TM9SF3: variants seen among roughly 807,000 people sequenced by gnomAD.
TM9SF3 encodes transmembrane 9 superfamily member 3.
A neutral mutation model predicts 78.6 loss-of-function variants in TM9SF3; 14 were observed. The observed-to-expected ratio is 0.18, with a 90% confidence interval of 0.12 to 0.28. The LOEUF is 0.28. TM9SF3 is among the 10% of genes least tolerant of loss of function. The pLI, the probability that TM9SF3 is intolerant of heterozygous loss-of-function variation, is 1.00. For missense variants in TM9SF3, 496 were observed against 721.9 expected (o/e 0.69, Z 3.59); for synonymous variants, 231 against 241.7 (o/e 0.96, Z 0.41).
Position 96,533,184 on chromosome 10 carries a change from C to T in TM9SF3, c.1192G>A (p.Val398Ile), listed in dbSNP as rs777497827. The T allele has an allele frequency of 2.7e-5, 44 of 1,612,930 alleles. No individual in the cohort carries two copies. Among genetic ancestry groups the T allele is most frequent in the South Asian group, 5.5e-5 (5 of 90,970 alleles). Residue 398 changes from valine to isoleucine, a missense_variant, in exon 10 of 15, where the codon GTT (valine) becomes ATT (isoleucine). By Grantham distance (29) the Val-to-Ile change is conservative. Around this residue, in one of 4 missense-constraint regions of TM9SF3, gnomAD observed 280 missense variants for 422.6 expected, o/e 0.66. Transcript: ENST00000371142. ...RAIPFGTMVA[V>I]CCICFFVILP... The stretch of plus-strand genomic sequence containing the variant: ...ATAACAAAAAAACAGATGCAACAAA[C>T]GGCCACCTGTAAATTAAATAAAAAT...
At chr10:96,560,109 G>C (rs772382115) in intron 4 of TM9SF3, 10 of 662,316 alleles carry the variant, frequency 1.5e-5, no homozygotes, top group Non-Finnish European at 2.8e-5. Flanking sequence ...ATTCTGTCCT[G>C]CGTGGCTGTT....
chr10:96,522,679 T>C (rs896062282), intron 14 of TM9SF3, among the ~76,000 whole-genome samples: 26 of 151,944 alleles, frequency 1.7e-4, no homozygotes, highest in African/African-American at 2.7e-4. Context: ...TTTGAAGATA[T>C]ACTATTCTAG....
In TM9SF3 at chr10:96,522,464, T is replaced by C. The variant is rs1419645177; in HGVS notation, c.1703-134A>G. 6 of 663,178 alleles carry C rather than the reference T, an allele frequency of 9.0e-6. No homozygotes were observed. In the African/African-American group the frequency reaches 9.7e-5, roughly 11 times the overall value. 41.1% of individuals were successfully genotyped at this position (663,178 alleles called of 1,614,324 possible). ...AATATCCTTATGTTAGTATTCTCTC[T>C]GAACTTACTAAAACTGTATCATTTG... On this transcript the variant is annotated intron_variant, in intron 14 of 14. Transcript: ENST00000371142.
intron 1 of TM9SF3, among the ~76,000 whole-genome samples, chr10:96,580,848 C>T (rs1848560561): frequency 6.6e-6 from 1 of 152,134 alleles, no homozygotes; most frequent in African/African-American, 2.4e-5. Flanking sequence ...GGTCCTATTA[C>T]TTCCCCATTT....
chr10:96,536,684 T>C (rs1026433383), intron 9 of TM9SF3, among the ~76,000 whole-genome samples: 2 of 152,166 alleles, frequency 1.3e-5, no homozygotes, highest in African/African-American at 4.8e-5. Flanking sequence ...GAGACACCCC[T>C]CCTTCTTCTT....
chr10:96,561,932 C>T (rs909883714), intron 4 of TM9SF3, 46 bp downstream of exon 4: 8 of 1,507,824 alleles, frequency 5.3e-6, no homozygotes, highest in South Asian at 2.5e-5. Context: ...TTGTTGACAT[C>T]GGGTCACAAA....
intron 14 of TM9SF3, among the ~76,000 whole-genome samples, chr10:96,524,308 T>C (rs12221143): frequency 0.2 from 31,022 of 151,748 alleles, 3,521 homozygotes; most frequent in Admixed American, 0.3. Flanking sequence ...CATTTTAGAA[T>C]AGTTACAATA....
chr10:96,544,486 A>C (rs913442837), intron 8 of TM9SF3, among the ~76,000 whole-genome samples: 1 of 152,118 alleles, frequency 6.6e-6, no homozygotes, highest in African/African-American at 2.4e-5. Flanking sequence ...CTCTCTCTCT[A>C]GGCTACAAGT....
Position 96,586,944 on chromosome 10 carries a change from AC to A in TM9SF3, c.-110del. ...GCCGATTCGCATCCACGGGGCGCGGACAGACGCACGGGGCCCGGCCCAGCCG... is the reference window on the plus strand; with the variant it reads ...GCCGATTCGCATCCACGGGGCGCGGAAGACGCACGGGGCCCGGCCCAGCCG... On this transcript the variant is annotated 5_prime_UTR_variant, in exon 1 of 15. Transcript: ENST00000371142. 1 of 903,050 alleles carries A rather than the reference AC, an allele frequency of 1.1e-6. No homozygotes were observed. The highest frequency in any genetic ancestry group is 1.4e-6 in the Non-Finnish European group (1 of 718,578). The allele number at this position is 903,050 out of a possible 1,614,324, so 55.9% of individuals were successfully genotyped here. A position where few individuals can be genotyped will look rare whatever the true frequency, so the allele number is the denominator to read the frequency against.
At chr10:96,552,829 C>A in intron 6 of TM9SF3, 99 bp downstream of exon 6, 2 of 1,210,480 alleles carry the variant, frequency 1.7e-6, no homozygotes, top group Admixed American at 7.5e-5. Context: ...TGTGGAAACT[C>A]AAAGACTTCC....
intron 2 of TM9SF3, 120 bp from the exon 3 acceptor site, chr10:96,565,546 G>A (rs949813583): frequency 1.7e-5 from 19 of 1,099,106 alleles, no homozygotes; most frequent in Non-Finnish European, 5.0e-6. Context: ...CACAATAGCT[G>A]AATCTGAGTG....
At chr10:96,535,141 CAT>C (rs753004805) in intron 9 of TM9SF3, among the ~76,000 whole-genome samples, 5 of 152,190 alleles carry the variant, frequency 3.3e-5, no homozygotes, top group African/African-American at 9.7e-5. Flanking sequence ...CTCAAAAAGA[CAT>C]TATCAATTGC....
At chr10:96,570,489 G>A (rs75927832) in intron 2 of TM9SF3, among the ~76,000 whole-genome samples, 1,581 of 152,202 alleles carry the variant, frequency 0.01, 28 homozygotes, top group African/African-American at 0.036. Flanking sequence ...TATCAAATCT[G>A]CTGTTAGTAC....
intron 1 of TM9SF3, among the ~76,000 whole-genome samples, chr10:96,585,203 G>C (rs974850213): frequency 1.3e-5 from 2 of 152,112 alleles, no homozygotes; most frequent in Admixed American, 6.5e-5. Flanking sequence ...ACTACACATT[G>C]AGAGTTCTGA....
chr10:96,559,544 CTAAA>C (rs924626280), intron 5 of TM9SF3, 111 bp downstream of exon 5: 7 of 630,254 alleles, frequency 1.1e-5, no homozygotes, highest in Non-Finnish European at 1.7e-5. Flanking sequence ...TCACCATTAG[CTAAA>C]TCTTTTAATC....
In TM9SF3 at chr10:96,518,933, A is replaced by G. The variant is rs1299773688; in HGVS notation, c.*3330T>C. 1 of 152,098 alleles carries G rather than the reference A, an allele frequency of 6.6e-6. No individual in the cohort carries two copies. The highest frequency in any genetic ancestry group is 1.5e-5 in the Non-Finnish European group (1 of 67,938). The allele number at this position is 152,098 out of a possible 1,614,324, so 9.4% of individuals were successfully genotyped here. On this transcript the variant is annotated 3_prime_UTR_variant, in exon 15 of 15. Transcript: ENST00000371142. ...TAATACATCACTACTCCTATTTATTACATGTTCCAATAAACCAATAGAATG... is the reference window on the plus strand; with the variant it reads ...TAATACATCACTACTCCTATTTATTGCATGTTCCAATAAACCAATAGAATG...
chr10:96,545,181 G>A (rs1171566963), intron 8 of TM9SF3, among the ~76,000 whole-genome samples: 1 of 152,182 alleles, frequency 6.6e-6, no homozygotes, highest in Admixed American at 6.5e-5. Flanking sequence ...ATACAGCAGA[G>A]GGTAAAGCTG....
chr10:96,578,926 A>G (rs1297957085), intron 1 of TM9SF3, among the ~76,000 whole-genome samples: 1 of 152,202 alleles, frequency 6.6e-6, no homozygotes, highest in African/African-American at 2.4e-5. Context: ...AAATACAAAT[A>G]TTAGCAGGGT....
At chr10:96,562,262 C>T in intron 3 of TM9SF3, 124 bp from the exon 4 acceptor site, 1 of 712,088 alleles carries the variant, frequency 1.4e-6, no homozygotes, top group East Asian at 2.9e-5. Context: ...CCCTCCCTGG[C>T]CACTCTTGAC....
Sources: gnomAD v4.1 joint callset for allele counts (sites outside exome capture counted in the v4.1 genomes callset) on GRCh38, gnomAD v4.1.1 for gene constraint, gnomAD v4.1.1 regional missense constraint, MANE v1.5 for transcripts, NCBI Gene and HGNC (gene_info 2026-07-23, HGNC 2026-07-21) for gene names.